Variants in DNAH7 observed in about 807,000 individuals in gnomAD.
DNAH7 encodes dynein axonemal heavy chain 7, also known as axonemal beta dynein heavy chain 7.
DNAH7 carries 397 observed loss-of-function variants against 444.6 expected under a neutral mutation model. The ratio of observed to expected loss-of-function variants is 0.89; its 90% confidence interval spans 0.82 to 0.97. The LOEUF (loss-of-function observed/expected upper bound fraction) is 0.97, where lower values mean the gene tolerates loss of function less well. DNAH7 is among the 50% of genes least tolerant of loss of function. The pLI is 0.00. For missense variants in DNAH7, 4,902 were observed against 4,800.8 expected (o/e 1.02, Z -0.62); for synonymous variants, 1,636 against 1,624.4 (o/e 1.01, Z -0.17).
Position 195,875,712 on chromosome 2 carries a change from T to C in DNAH7, c.6249A>G (p.Leu2083=), listed in dbSNP as rs1031024647. The part of the protein sequence containing the change: ...YDLKDCSMIK[L]VDIQIMCAMG... ...TAGCACACATGATCTGAATGTCCAC[T>C]AGTTTAATCATGGAACAATCTTTTA... The change falls in exon 38 of 65, where the codon CTA becomes CTG. Residue 2083 remains leucine, a synonymous_variant. Transcript: ENST00000312428. 1.2e-6 allele frequency: 2 copies of C among 1,608,696 alleles called. No individual in the cohort carries two copies. Among genetic ancestry groups the C allele is most frequent in the Non-Finnish European group, 1.7e-6 (2 of 1,178,208 alleles).
chr2:195,755,723 C>T (rs1694037565), intron 62 of DNAH7, among the ~76,000 whole-genome samples: 1 of 152,150 alleles, frequency 6.6e-6, no homozygotes, highest in Non-Finnish European at 1.5e-5. Context: ...TAGGCTTCTG[C>T]CCACTCAACA....
chr2:196,012,781 C>A lies in DNAH7; in HGVS notation c.989+6G>T, dbSNP rs1196109427. 1.3e-6 allele frequency: 2 copies of A among 1,596,956 alleles called. No individual in the cohort carries two copies. Among genetic ancestry groups the A allele is most frequent in the East Asian group, 4.6e-5 (2 of 43,726 alleles). On this transcript the variant is annotated splice_donor_region_variant and intron_variant, in intron 10 of 64. Transcript: ENST00000312428. ...TGCTTTCCTACATGAAATTTCAAAC[C>A]TTTACATTTTAAGTAGAGTCTCTTT...
chr2:195,891,677 A>T lies in DNAH7; in HGVS notation c.5024T>A (p.Phe1675Tyr). The change falls in exon 31 of 65, where the codon TTT becomes TAT. Residue 1675 changes from phenylalanine to tyrosine, a missense_variant. Transcript: ENST00000312428. ...EWSDGVLAVS[F>Y]RAFASSVTPD... ...TACCACTGAAGAGGCAAATGCTCTA[A>T]AACTGACAGCAAGGACCCCATCAGA... 6.3e-7 allele frequency: 1 copy of T among 1,595,054 alleles called. No homozygotes were observed. The highest frequency in any genetic ancestry group is 8.5e-7 in the Non-Finnish European group (1 of 1,172,256).
At chr2:195,958,968 G>T (rs1013302692) in intron 18 of DNAH7, among the ~76,000 whole-genome samples, 1 of 152,112 alleles carries the variant, frequency 6.6e-6, no homozygotes, top group Non-Finnish European at 1.5e-5. Flanking sequence ...TTTATTAATA[G>T]CAACTTCGTT....
At chr2:196,049,457 A>G (rs16844267) in intron 3 of DNAH7, among the ~76,000 whole-genome samples, 6,702 of 152,286 alleles carry the variant, frequency 0.044, 339 homozygotes, top group African/African-American at 0.12. Flanking sequence ...CCAGTGCCAG[A>G]TCATTCTTGA....
At chr2:196,051,062 T>C (rs1340270598) in intron 3 of DNAH7, 125 bp downstream of exon 3, 3 of 838,670 alleles carry the variant, frequency 3.6e-6, no homozygotes, top group Non-Finnish European at 6.0e-6. Flanking sequence ...GCACACCTCA[T>C]AGAATTTCTC....
intron 21 of DNAH7, among the ~76,000 whole-genome samples, chr2:195,934,017 TA>T (rs35679713): frequency 2.0e-4 from 30 of 146,866 alleles, no homozygotes; most frequent in Non-Finnish European, 2.0e-4. Flanking sequence ...CACACTACAG[TA>T]AAAAAAAAAA....
At chr2:195,822,951 T>A (rs1435460137) in intron 49 of DNAH7, among the ~76,000 whole-genome samples, 1 of 152,176 alleles carries the variant, frequency 6.6e-6, no homozygotes, top group Non-Finnish European at 1.5e-5. Flanking sequence ...ATTCTAAGCA[T>A]CTTATGCAGA....
intron 21 of DNAH7, among the ~76,000 whole-genome samples, chr2:195,929,114 C>T (rs1688527369): frequency 1.3e-5 from 2 of 152,048 alleles, no homozygotes; most frequent in Non-Finnish European, 1.5e-5. Flanking sequence ...GAATGCAATC[C>T]CATTCACAAC....
chr2:195,843,534 T>C (rs1559137691), intron 47 of DNAH7, among the ~76,000 whole-genome samples: 1 of 152,202 alleles, frequency 6.6e-6, no homozygotes, highest in Non-Finnish European at 1.5e-5. Context: ...TTTATTTTTG[T>C]CTTAGTTATC....
Position 195,819,422 on chromosome 2 carries a change from T to A in DNAH7, c.9292-1593A>T, listed in dbSNP as rs148090073. On this transcript the variant is annotated intron_variant, in intron 49 of 64. Transcript: ENST00000312428. ...AAACTTATTGAATGAACAATCAGAA[T>A]GCCCACATTCCCTGTTCATAGAGTT... Among the ~76,000 whole-genome samples, 616 of 152,306 alleles carry A rather than the reference T, an allele frequency of 4.0e-3. 1 individual carries two copies. Among genetic ancestry groups the A allele is most frequent in the Non-Finnish European group, 5.5e-3 (373 of 68,022 alleles).
At chr2:195,907,943 T>C (rs1005260700) in intron 25 of DNAH7, among the ~76,000 whole-genome samples, 3 of 152,126 alleles carry the variant, frequency 2.0e-5, no homozygotes, top group African/African-American at 7.2e-5. Flanking sequence ...GATGTCATAT[T>C]CAAGCAGTTA....
chr2:195,973,227 T>C (rs1443489501), intron 15 of DNAH7, among the ~76,000 whole-genome samples: 1 of 152,144 alleles, frequency 6.6e-6, no homozygotes, highest in Non-Finnish European at 1.5e-5. Context: ...CAGTACTGAA[T>C]ACTCAAGGAC....
chr2:196,038,653 G>A (rs1696540211), intron 5 of DNAH7, among the ~76,000 whole-genome samples: 1 of 152,100 alleles, frequency 6.6e-6, no homozygotes, highest in Admixed American at 6.5e-5. Flanking sequence ...CCATGCAAAT[G>A]GGAACCAAAA....
At chr2:196,028,844 C>G (rs1459201121) in intron 5 of DNAH7, among the ~76,000 whole-genome samples, 2 of 152,162 alleles carry the variant, frequency 1.3e-5, no homozygotes, top group African/African-American at 4.8e-5. Context: ...ACTCGAGGTT[C>G]ATTGAGTATA....
rs1702025946 is a variant in DNAH7, at chr2:195,891,792, C to T, written c.4909G>A (p.Glu1637Lys). 2 of 1,566,704 alleles carry T rather than the reference C, an allele frequency of 1.3e-6. No homozygotes were observed. Among genetic ancestry groups the T allele is most frequent in the African/African-American group, 1.5e-5 (1 of 68,224 alleles). The change falls in exon 31 of 65, where the codon GAA becomes AAA. Residue 1637 changes from glutamate to lysine, a missense_variant. Physicochemically the swap from Glu to Lys is moderately conservative, Grantham distance 56. Transcript: ENST00000312428. Reference protein sequence around the residue: ...NDICEKGLMEENKVQITVLNP... With the variant: ...NDICEKGLMEKNKVQITVLNP... ...AAAACAGTTATTTGAACTTTGTTTT[C>T]TTCCATTAGCCCCTTAATGAAAAAA...
At chr2:195,787,456 G>C (rs558944803) in intron 57 of DNAH7, among the ~76,000 whole-genome samples, 2 of 152,216 alleles carry the variant, frequency 1.3e-5, no homozygotes, top group South Asian at 4.2e-4. Flanking sequence ...ACAGATTTTT[G>C]AGGTCCTTAC....
chr2:195,742,857 G>A (rs953410007), intron 63 of DNAH7, among the ~76,000 whole-genome samples: 5 of 152,318 alleles, frequency 3.3e-5, no homozygotes, highest in Middle Eastern at 3.4e-3. Context: ...ATAGGATGCT[G>A]TGACGATTAA....
At chr2:195,791,215 C>T (rs1274800296) in intron 57 of DNAH7, among the ~76,000 whole-genome samples, 1 of 151,872 alleles carries the variant, frequency 6.6e-6, no homozygotes, top group African/African-American at 2.4e-5. Context: ...CTCCTGTAAT[C>T]CCAGCACTTT....
Sources: allele counts gnomAD v4.1 joint callset (sites outside exome capture counted in the v4.1 genomes callset), GRCh38; gene constraint gnomAD v4.1.1; transcripts MANE v1.5; gene names NCBI Gene and HGNC (gene_info 2026-07-23, HGNC 2026-07-21).